ACTN3: variants seen among roughly 807,000 people sequenced by gnomAD.
ACTN3 encodes the protein alpha-actinin-3.
Under a neutral mutation model 119.6 loss-of-function variants are expected in ACTN3, and 91 were observed. The ratio of observed to expected loss-of-function variants is 0.76; its 90% CI spans 0.64 to 0.91. The LOEUF (loss-of-function observed/expected upper bound fraction) is 0.91, where lower values mean the gene tolerates loss of function less well. Among genes scored for constraint, ACTN3 ranks in the 40% least tolerant of loss-of-function variants. ACTN3 has a pLI of 0.00. For missense variants in ACTN3, 1,221 were observed against 1,215.1 expected, an observed-to-expected ratio of 1.00 and a Z score of -0.07; for synonymous variants, 456 against 478.8, an observed-to-expected ratio of 0.95 and a Z score of 0.62.
chr11:66,560,590 C>G lies in ACTN3; in HGVS notation c.1695C>G (p.His565Gln). The change falls in exon 15 of 21, where the codon CAC becomes CAG. Residue 565 changes from histidine (H) to glutamine (Q), a missense_variant. By Grantham distance (24) the His-to-Gln change is conservative. Around this residue, in one of 3 missense-constraint regions of ACTN3, gnomAD observed 934 missense variants for 899.9 expected, o/e 1.04. Coordinates refer to ENST00000513398, the MANE Select transcript of ACTN3 (RefSeq NM_001104.4). The part of the protein sequence containing the change: ...VEETQSLLTA[H>Q]DQFKATLPEA... ...GTCCCCAGAGCCTGCTGACAGCGCA[C>G]GATCAGTTCAAGGCAACACTGCCCG... is the stretch of plus-strand genomic sequence containing the variant. 1 of 1,612,192 alleles carries G rather than the reference C, an allele frequency of 6.2e-7. No homozygotes were observed. The highest frequency in any genetic ancestry group is 8.5e-7 in the Non-Finnish European group (1 of 1,179,298).
Position 66,555,162 on chromosome 11 carries a change from TC to T in ACTN3, c.592del (p.His198ThrfsTer22), listed in dbSNP as rs778433914. ...GATGGCCTGGCCCTCTGTGCCCTCA[TC>T]CACCGACACCGCCCTGACCTCATCG... The part of the protein sequence containing the change: ...WKDGLALCAL[I>X]HRHRPDLIDY... On this transcript the variant is annotated frameshift_variant, in exon 6 of 21. Coordinates refer to ENST00000513398, the MANE Select transcript of ACTN3 (RefSeq NM_001104.4). LOFTEE classifies it high-confidence loss of function. 1 of 1,613,808 alleles carries T rather than the reference TC, an allele frequency of 6.2e-7. No individual in the cohort carries two copies. Among genetic ancestry groups the T allele is most frequent in the Non-Finnish European group, 8.5e-7 (1 of 1,179,986 alleles).
Position 66,561,636 on chromosome 11 carries a change from A to G in ACTN3, c.2174A>G (p.Glu725Gly), listed in dbSNP as rs1857770784. 2 of 1,610,680 alleles carry G rather than the reference A, an allele frequency of 1.2e-6. No individual in the cohort carries two copies. The highest frequency in any genetic ancestry group is 1.7e-6 in the Non-Finnish European group (2 of 1,178,564). ...FDNKHTVYSMEHIRVGWEQLL... is the reference protein window; with the variant it reads ...FDNKHTVYSMGHIRVGWEQLL... ...AATAAGCACACCGTCTACAGCATGG[A>G]GGTGGGATCACACCCTCTCAGGAGA... Residue 725 changes from glutamate (E) to glycine (G), a missense_variant and splice_region_variant, in exon 17 of 21, where the codon GAG (glutamate) becomes GGG (glycine). Physicochemically the swap from Glu to Gly is moderately conservative, Grantham distance 98 (BLOSUM62 -2). This residue lies in a region of ACTN3 where 934 missense variants were observed against 899.9 expected (regional missense o/e 1.04). Transcript: ENST00000513398.
At chr11:66,554,189 A>C (rs1857539183) in intron 4 of ACTN3, 58 bp downstream of exon 4, 3 of 1,508,948 alleles carry the variant, frequency 2.0e-6, no homozygotes, top group Non-Finnish European at 2.8e-6. Flanking sequence ...TGTAATCCCC[A>C]CAGTTTGGGA....
At chr11:66,551,094 G>A (rs1290509182) in intron 1 of ACTN3, 145 bp from the exon 2 acceptor site, 3 of 721,416 alleles carry the variant, frequency 4.2e-6, no homozygotes, top group African/African-American at 1.7e-5. Flanking sequence ...GGCCCAGGAT[G>A]CACAGCAAGT....
chr11:66,556,625 T>G (rs377354912), intron 8 of ACTN3, among the ~76,000 whole-genome samples: 3 of 151,984 alleles, frequency 2.0e-5, no homozygotes, highest in Admixed American at 1.3e-4. Flanking sequence ...TTTGTAGAGA[T>G]AGTGTTTCAT....
In ACTN3 at chr11:66,561,325, C is replaced by CAATGCCATTGGACCCTGGATCCAGGCG. The variant is rs769068892; in HGVS notation, c.1962_1988dup (p.Asn654_Ala662dup). The stretch of plus-strand genomic sequence containing the variant: ...TCCGGCGACAGTTTGCGGCCCAGGC[C>CAATGCCATTGGACCCTGGATCCAGGCG]AATGCCATTGGACCCTGGATCCAGG... On this transcript the variant is annotated inframe_insertion, in exon 16 of 21. Transcript: ENST00000513398. 1.9e-6 allele frequency: 3 copies of CAATGCCATTGGACCCTGGATCCAGGCG among 1,611,898 alleles called. No individual in the cohort carries two copies. The highest frequency in any genetic ancestry group is 1.1e-5 in the South Asian group (1 of 90,704).
Position 66,556,141 on chromosome 11 carries a change from C to T in ACTN3, c.719-4C>T, listed in dbSNP as rs774846894. On this transcript the variant is annotated splice_region_variant and splice_polypyrimidine_tract_variant and intron_variant, in intron 7 of 20. Coordinates refer to ENST00000513398, the MANE Select transcript of ACTN3 (RefSeq NM_001104.4). The stretch of plus-strand genomic sequence containing the variant: ...CCAGTAGACACCGTGCTGTCCTCCC[C>T]TAGACATTGTGAACACCCCAAAGCC... 6.2e-7 allele frequency: 1 copy of T among 1,613,008 alleles called. No individual in the cohort carries two copies.
intron 8 of ACTN3, among the ~76,000 whole-genome samples, chr11:66,556,823 C>T (rs999535787): frequency 2.6e-5 from 4 of 151,722 alleles, no homozygotes; most frequent in East Asian, 1.9e-4. Flanking sequence ...TGCAGTGGGG[C>T]GGTCTCGGCT....
Position 66,563,083 on chromosome 11 carries a change from G to A in ACTN3, c.2596G>A (p.Ala866Thr), listed in dbSNP as rs1336338807. The change falls in exon 21 of 21, where the codon GCC (alanine) becomes ACC (threonine). Residue 866 changes from alanine to threonine, a missense_variant. Physicochemically the swap from Ala to Thr is moderately conservative, Grantham distance 58. Around this residue, in one of 3 missense-constraint regions of ACTN3, gnomAD observed 934 missense variants for 899.9 expected, o/e 1.04. Coordinates refer to ENST00000513398, the MANE Select transcript of ACTN3 (RefSeq NM_001104.4). ...GCGGCGCGAGCTCCCTGCCAAGCAG[G>A]CCGAGTACTGCATCCGCCGTATGGT... ...ELRRELPAKQ[A>T]EYCIRRMVPY... The A allele has an allele frequency of 6.2e-7, 1 of 1,613,206 alleles. No homozygotes were observed. Among genetic ancestry groups the A allele is most frequent in the Admixed American group, 1.7e-5 (1 of 59,998 alleles).
chr11:66,562,142 C>G lies in ACTN3; in HGVS notation c.2296C>G (p.Arg766Gly). ...GLSQEQLNEF[R>G]ASFNHFDRKQ... ...GAGCCAGGAGCAGCTCAACGAGTTC[C>G]GAGCATCCTTCAACCACTTTGACAG... is the stretch of plus-strand genomic sequence containing the variant. The change falls in exon 18 of 21, where the codon CGA becomes GGA. Residue 766 changes from arginine to glycine, a missense_variant. Arg to Gly is a moderately radical substitution (Grantham distance 125, BLOSUM62 -2). Coordinates refer to ENST00000513398, the MANE Select transcript of ACTN3 (RefSeq NM_001104.4). 1 of 1,614,012 alleles carries G rather than the reference C, an allele frequency of 6.2e-7. No individual in the cohort carries two copies. The highest frequency in any genetic ancestry group is 8.5e-7 in the Non-Finnish European group (1 of 1,179,954).
upstream of ACTN3, chr11:66,546,420 C>A: frequency 1.1e-6 from 1 of 931,192 alleles, no homozygotes; most frequent in Non-Finnish European, 1.6e-6. Flanking sequence ...GCCCATCCAG[C>A]TGGCTCAGAG....
At chr11:66,551,113 G>A (rs1259564340) in intron 1 of ACTN3, 126 bp from the exon 2 acceptor site, 5 of 755,346 alleles carry the variant, frequency 6.6e-6, no homozygotes, top group African/African-American at 3.4e-5. Context: ...GTCAGTGGCT[G>A]AGCTGAGCTG....
rs555137575 is a variant in ACTN3 at position 66,561,450 on chromosome 11, C to T, written c.1996-8C>T. ...GGGAGCCCTCATGCTGCCTGGGAAC[C>T]CCTGCAGGAAGTGGGGCGGCTGGCA... On this transcript the variant is annotated splice_polypyrimidine_tract_variant and splice_region_variant and intron_variant, in intron 16 of 20. Transcript: ENST00000513398. The T allele has an allele frequency of 2.5e-6, 4 of 1,600,156 alleles. No individual in the cohort carries two copies. In the South Asian group the frequency reaches 3.4e-5, roughly 13 times the overall value.
At chr11:66,549,793 C>G (rs1386331296) in intron 1 of ACTN3, among the ~76,000 whole-genome samples, 1 of 151,604 alleles carries the variant, frequency 6.6e-6, no homozygotes, top group South Asian at 2.1e-4. Flanking sequence ...GCCTATCCCC[C>G]TGCCCTTTCC....
upstream of ACTN3, chr11:66,546,395 A>G (rs1857339317): frequency 1.4e-6 from 1 of 727,382 alleles, no homozygotes; most frequent in Admixed American, 2.9e-5. Flanking sequence ...CCCCGATATT[A>G]ATAGCCCTGC....
At chr11:66,553,853 CAAAAA>C (rs11448724) in intron 3 of ACTN3, among the ~76,000 whole-genome samples, 187 bp from the exon 4 acceptor site, 118 of 81,768 alleles carry the variant, frequency 1.4e-3, no homozygotes, top group Non-Finnish European at 2.7e-3. Flanking sequence ...GACTCCATCT[CAAAAA>C]AAAAAAAAAA....
intron 5 of ACTN3, 144 bp downstream of exon 5, chr11:66,554,767 T>A: frequency 2.9e-6 from 2 of 697,912 alleles, no homozygotes; most frequent in Non-Finnish European, 4.7e-6. Context: ...TGGAACAGTG[T>A]CTGAAAAGAG....
intron 9 of ACTN3, 105 bp from the exon 10 acceptor site, chr11:66,557,594 C>G: frequency 8.2e-7 from 1 of 1,222,964 alleles, no homozygotes; most frequent in South Asian, 1.4e-5. Context: ...TCAAAGTCAC[C>G]CCCACCTACA....
intron 4 of ACTN3, 54 bp downstream of exon 4, chr11:66,554,185 C>A: frequency 6.5e-7 from 1 of 1,537,110 alleles, no homozygotes; most frequent in Non-Finnish European, 9.0e-7. Context: ...GGCCTGTAAT[C>A]CCCACAGTTT....
Sources: allele counts gnomAD v4.1 joint callset (sites outside exome capture counted in the v4.1 genomes callset), GRCh38; gene constraint gnomAD v4.1.1; regional missense constraint gnomAD v4.1.1; transcripts MANE v1.5; gene names NCBI Gene and HGNC (gene_info 2026-07-23, HGNC 2026-07-21).